CCDC175: variants seen among roughly 807,000 people sequenced by gnomAD.
CCDC175 encodes coiled-coil domain containing 175, also known as coiled-coil domain-containing protein 175.
In CCDC175, 100 loss-of-function variants were observed where a neutral mutation model predicts 114.6. That is an observed-to-expected ratio of 0.87 (90% CI 0.74 to 1.03). CCDC175 has a LOEUF of 1.03. Among genes scored for constraint, CCDC175 ranks in the 50% least tolerant of loss-of-function variants. CCDC175 has a pLI of 0.00. For missense variants in CCDC175, 880 were observed against 917.8 expected, an observed-to-expected ratio of 0.96 and a Z score of 0.53; for synonymous variants, 306 against 308.7, an observed-to-expected ratio of 0.99 and a Z score of 0.09.
intron 11 of CCDC175, among the ~76,000 whole-genome samples, chr14:59,540,371 C>A (rs554033253): frequency 2.5e-4 from 38 of 152,204 alleles, no homozygotes; most frequent in African/African-American, 9.1e-4. Context: ...CCATACCTGT[C>A]ACCTCCCCTA....
At position 59,540,788 on chromosome 14, in the gene CCDC175, G is replaced by T. The variant is rs756629808; in HGVS notation, c.1284-42C>A. ...ATTGGATTTTGCATTTATGGGAGCT[G>T]TTAGAATATACAATAGACTCTATAC... On this transcript the variant is annotated intron_variant, in intron 10 of 19. Transcript: ENST00000537690. 24 of 1,444,494 alleles carry T rather than the reference G, an allele frequency of 1.7e-5. 1 individual carries two copies. The highest frequency in any genetic ancestry group is 2.1e-5 in the Non-Finnish European group (23 of 1,075,536). The allele number at this position is 1,444,494 out of a possible 1,614,324, so 89.5% of individuals were successfully genotyped here.
intron 13 of CCDC175, among the ~76,000 whole-genome samples, chr14:59,536,429 C>T (rs1894399042): frequency 6.6e-6 from 1 of 151,938 alleles, no homozygotes; most frequent in Non-Finnish European, 1.5e-5. Context: ...CAATATACTA[C>T]TTGTTCATCT....
intron 13 of CCDC175, among the ~76,000 whole-genome samples, chr14:59,534,726 G>A (rs559210203): frequency 6.6e-6 from 1 of 152,316 alleles, no homozygotes; most frequent in South Asian, 2.1e-4. Flanking sequence ...TCTGTGGCAA[G>A]CTCTGATAGA....
At chr14:59,536,778 AG>A (rs1190062768) in intron 13 of CCDC175, among the ~76,000 whole-genome samples, 1 of 151,998 alleles carries the variant, frequency 6.6e-6, no homozygotes, top group Non-Finnish European at 1.5e-5. Context: ...GTTTGATCAT[AG>A]TATTTTGTTT....
In CCDC175 at chr14:59,505,171, G is replaced by T; in HGVS notation, c.*68C>A. 1 of 737,034 alleles carries T rather than the reference G, an allele frequency of 1.4e-6. No individual in the cohort carries two copies. Among genetic ancestry groups the T allele is most frequent in the South Asian group, 2.5e-5 (1 of 40,400 alleles). The allele number at this position is 737,034 out of a possible 1,614,324, so 45.7% of individuals were successfully genotyped here. A position where few individuals can be genotyped will look rare whatever the true frequency, so the allele number is the denominator to read the frequency against. On this transcript the variant is annotated 3_prime_UTR_variant, in exon 20 of 20. Transcript: ENST00000537690. The stretch of plus-strand genomic sequence containing the variant: ...ACTTCTATTAACAGCTGCAAAATAT[G>T]AAAGTAAGTGCACTCACTTTTCCTG...
chr14:59,506,290 T>TC (rs1892383200), intron 19 of CCDC175, among the ~76,000 whole-genome samples: 1 of 140,834 alleles, frequency 7.1e-6, no homozygotes, highest in Non-Finnish European at 1.5e-5. Flanking sequence ...TTTTTTTTTT[T>TC]CTTTTTTTTT....
chr14:59,505,347 T>C, intron 19 of CCDC175, 32 bp from the exon 20 acceptor site: 1 of 1,237,654 alleles, frequency 8.1e-7, no homozygotes, highest in Non-Finnish European at 1.1e-6. Context: ...ATAAAAATTT[T>C]ATTTGTATTG....
chr14:59,526,547 C>G (rs919769575), intron 15 of CCDC175, among the ~76,000 whole-genome samples: 1 of 133,654 alleles, frequency 7.5e-6, no homozygotes, highest in Admixed American at 7.8e-5. Flanking sequence ...CAGAGTGAGA[C>G]TCCATCTCAA....
At chr14:59,511,876 AT>A in intron 17 of CCDC175, 73 bp from the exon 18 acceptor site, 1 of 1,188,288 alleles carries the variant, frequency 8.4e-7, no homozygotes, top group Non-Finnish European at 1.2e-6. Context: ...CGTGTTATTC[AT>A]TTTTGTTTTT....
At chr14:59,557,180 G>T (rs911226178) in intron 7 of CCDC175, among the ~76,000 whole-genome samples, 1 of 151,996 alleles carries the variant, frequency 6.6e-6, no homozygotes, top group African/African-American at 2.4e-5. Flanking sequence ...TGTTTATTGC[G>T]GCACTATTCA....
intron 13 of CCDC175, among the ~76,000 whole-genome samples, chr14:59,534,421 G>A (rs139765668): frequency 2.6e-5 from 4 of 152,238 alleles, no homozygotes; most frequent in East Asian, 1.9e-4. Context: ...GTCCACCCTC[G>A]CTCATCCTGT....
intron 8 of CCDC175, among the ~76,000 whole-genome samples, 175 bp from the exon 9 acceptor site, chr14:59,545,474 C>A (rs541685104): frequency 6.6e-6 from 1 of 151,928 alleles, no homozygotes; most frequent in South Asian, 2.1e-4. Context: ...TATTTTGAGA[C>A]CTCTACTATA....
chr14:59,558,228 G>C (rs1024725172), intron 7 of CCDC175, among the ~76,000 whole-genome samples: 3 of 152,152 alleles, frequency 2.0e-5, no homozygotes, highest in South Asian at 2.1e-4. Flanking sequence ...GATCATGTAG[G>C]GTGTTAAGGT....
At chr14:59,537,998 T>A (rs1454280523) in intron 13 of CCDC175, 25 bp downstream of exon 13, 4 of 1,482,102 alleles carry the variant, frequency 2.7e-6, no homozygotes, top group Non-Finnish European at 3.6e-6. Context: ...TCCAAAAGTA[T>A]TCTTAGATGC....
In CCDC175 at chr14:59,546,391, C is replaced by T. The variant is rs529515554; in HGVS notation, c.1036-1092G>A. Among the ~76,000 whole-genome samples the T allele has an allele frequency of 2.0e-5, 3 of 152,202 alleles. No homozygotes were observed. In the East Asian group the frequency reaches 5.8e-4, roughly 29 times the overall value. ...ATGTTCACTACTTGGGTGACGGGATCATTAGCAGCCCAAATCTCAGCATTA... is the reference window on the plus strand; with the variant it reads ...ATGTTCACTACTTGGGTGACGGGATTATTAGCAGCCCAAATCTCAGCATTA... On this transcript the variant is annotated intron_variant, in intron 8 of 19. Coordinates refer to ENST00000537690, the MANE Select transcript of CCDC175 (RefSeq NM_001164399.2).
intron 7 of CCDC175, among the ~76,000 whole-genome samples, chr14:59,557,017 G>A (rs988078164): frequency 1.3e-5 from 2 of 152,188 alleles, no homozygotes; most frequent in South Asian, 2.1e-4. Context: ...CACTGTTGGT[G>A]GGACTGTAAA....
chr14:59,526,463 C>T (rs1326154175), intron 15 of CCDC175, among the ~76,000 whole-genome samples: 2 of 151,220 alleles, frequency 1.3e-5, no homozygotes, highest in East Asian at 3.9e-4. Context: ...AAAAATTAGC[C>T]AGAAATCGCT....
intron 16 of CCDC175, among the ~76,000 whole-genome samples, chr14:59,524,809 C>G (rs918757260): frequency 2.0e-5 from 3 of 152,164 alleles, no homozygotes; most frequent in Non-Finnish European, 4.4e-5. Flanking sequence ...ACTAGAAACT[C>G]TCTGAATATC....
intron 15 of CCDC175, among the ~76,000 whole-genome samples, chr14:59,525,822 T>C (rs550738242): frequency 2.0e-5 from 3 of 152,330 alleles, no homozygotes; most frequent in Admixed American, 2.0e-4. Context: ...TAACATAGCA[T>C]TTACATTATA....
Sources: allele counts gnomAD v4.1 joint callset (sites outside exome capture counted in the v4.1 genomes callset), GRCh38; gene constraint gnomAD v4.1.1; transcripts MANE v1.5; gene names NCBI Gene and HGNC (gene_info 2026-07-23, HGNC 2026-07-21).